Variants in TENM3 observed in about 807,000 individuals in gnomAD.
The protein encoded by TENM3 is teneurin transmembrane protein 3.
A neutral mutation model predicts 255.1 loss-of-function variants in TENM3; 63 were observed. The ratio of observed to expected loss-of-function variants is 0.25; its 90% CI spans 0.20 to 0.30. The LOEUF (loss-of-function observed/expected upper bound fraction) is 0.30, where lower values mean the gene tolerates loss of function less well. Among genes scored for constraint, TENM3 ranks in the 10% least tolerant of loss-of-function variants. The probability of loss-of-function intolerance (pLI) is 1.00; values close to 1 mark genes in which losing one functional copy is unlikely to be tolerated. For missense variants in TENM3, 2,929 were observed against 3,461.1 expected (o/e 0.85, Z 3.86); for synonymous variants, 1,306 against 1,322.3 (o/e 0.99, Z 0.27).
the TENM3 span, among the ~76,000 whole-genome samples, chr4:181,796,285 C>T: frequency 2.6e-5 from 4 of 152,210 alleles, no homozygotes; most frequent in South Asian, 2.1e-4. Flanking sequence ...ACAGCAAATC[C>T]GACAAGTGCC....
chr4:181,953,603 C>A, the TENM3 span, among the ~76,000 whole-genome samples: 1 of 151,910 alleles, frequency 6.6e-6, no homozygotes, highest in Non-Finnish European at 1.5e-5. Flanking sequence ...ATTGCTTGAA[C>A]CCAGGAGGCG....
the TENM3 span, among the ~76,000 whole-genome samples, chr4:181,815,462 CAAAAA>C: frequency 3.7e-5 from 3 of 82,080 alleles, no homozygotes; most frequent in African/African-American, 1.4e-4. Flanking sequence ...GACTCCCTAT[CAAAAA>C]AAAAAAAAAA....
the TENM3 span, among the ~76,000 whole-genome samples, chr4:181,920,435 G>A: frequency 6.6e-6 from 1 of 152,124 alleles, no homozygotes; most frequent in Non-Finnish European, 1.5e-5. Flanking sequence ...TCTAACTGGT[G>A]TGAGATGGTA....
the TENM3 span, among the ~76,000 whole-genome samples, chr4:181,885,286 C>T: frequency 6.6e-6 from 1 of 152,136 alleles, no homozygotes. Context: ...TGTTTTGAGA[C>T]GGAGTCTAGC....
intron 1 of TENM3, among the ~76,000 whole-genome samples, chr4:182,193,807 T>A (rs2149796591): frequency 6.6e-6 from 1 of 152,336 alleles, no homozygotes; most frequent in South Asian, 2.1e-4. Context: ...AGATTTGAAA[T>A]GCTTTTATTA....
chr4:181,748,300 T>C, the TENM3 span, among the ~76,000 whole-genome samples: 1 of 152,104 alleles, frequency 6.6e-6, no homozygotes, highest in Non-Finnish European at 1.5e-5. Context: ...ACTTATTCTC[T>C]TTTGCATTCT....
intron 13 of TENM3, among the ~76,000 whole-genome samples, chr4:182,717,410 A>T (rs2152685235): frequency 6.6e-6 from 1 of 152,354 alleles, no homozygotes; most frequent in South Asian, 2.1e-4. Context: ...TCAGACAAAC[A>T]GCTGTCATGT....
At chr4:181,668,113 T>C in the TENM3 span, among the ~76,000 whole-genome samples, 77 of 152,312 alleles carry the variant, frequency 5.1e-4, no homozygotes, top group African/African-American at 1.9e-3. Flanking sequence ...AAACAGTGCC[T>C]GGCATAGAGT....
At chr4:182,402,783 G>C (rs562792147) in intron 3 of TENM3, among the ~76,000 whole-genome samples, 1 of 152,108 alleles carries the variant, frequency 6.6e-6, no homozygotes, top group Non-Finnish European at 1.5e-5. Flanking sequence ...TGTTTCATGA[G>C]ACAACTCAAA....
chr4:181,663,761 T>G, the TENM3 span, among the ~76,000 whole-genome samples: 2 of 152,120 alleles, frequency 1.3e-5, no homozygotes, highest in East Asian at 3.9e-4. Context: ...AACTTTTCCT[T>G]GATTCCCATG....
At chr4:181,518,301 T>G in the TENM3 span, among the ~76,000 whole-genome samples, 4 of 145,364 alleles carry the variant, frequency 2.8e-5, no homozygotes, top group South Asian at 6.4e-4. Flanking sequence ...GCATGTGGGG[T>G]TTTTTTTTTT....
At chr4:181,618,718 C>T in the TENM3 span, among the ~76,000 whole-genome samples, 1 of 152,178 alleles carries the variant, frequency 6.6e-6, no homozygotes, top group Admixed American at 6.5e-5. Context: ...TTTGGTCAGA[C>T]TAGTGGGTGT....
rs1057243538 is a variant in TENM3, at chr4:182,672,999, A to G, written c.1112-6A>G. 1.9e-6 allele frequency: 3 copies of G among 1,564,702 alleles called. No individual in the cohort carries two copies. The highest frequency in any genetic ancestry group is 2.3e-5 in the South Asian group (2 of 85,566). ...TGTTCTTCATCAGTGCATCTCTTAC[A>G]TTCAGGAAAATTAGGTGGATTTACG... is the stretch of plus-strand genomic sequence containing the variant. On this transcript the variant is annotated splice_polypyrimidine_tract_variant and splice_region_variant and intron_variant, in intron 6 of 27. Coordinates refer to ENST00000511685, the MANE Select transcript of TENM3 (RefSeq NM_001080477.4).
At chr4:181,526,472 T>C in the TENM3 span, among the ~76,000 whole-genome samples, 108,208 of 152,002 alleles carry the variant, frequency 0.71, 38,724 homozygotes, top group South Asian at 0.84. Context: ...TTTTATAACG[T>C]GATTGAAATG....
At chr4:182,028,591 ACTT>A in the TENM3 span, among the ~76,000 whole-genome samples, 6 of 152,166 alleles carry the variant, frequency 3.9e-5, no homozygotes, top group East Asian at 1.9e-4. Context: ...ATGACTATAA[ACTT>A]CTTCTTAACA....
At chr4:181,636,510 T>A in the TENM3 span, among the ~76,000 whole-genome samples, 1 of 152,198 alleles carries the variant, frequency 6.6e-6, no homozygotes, top group Non-Finnish European at 1.5e-5. Flanking sequence ...AGACACCACA[T>A]TCTAGCTGAT....
the TENM3 span, among the ~76,000 whole-genome samples, chr4:182,062,168 G>T: frequency 6.6e-6 from 1 of 152,128 alleles, no homozygotes; most frequent in Non-Finnish European, 1.5e-5. Flanking sequence ...GGTAGTACTG[G>T]TGAAGCAGAT....
the TENM3 span, among the ~76,000 whole-genome samples, chr4:181,568,287 C>T: frequency 6.6e-6 from 1 of 151,870 alleles, no homozygotes; most frequent in African/African-American, 2.4e-5. Flanking sequence ...CCTCAGCCTC[C>T]CGAGTAGCTG....
the TENM3 span, among the ~76,000 whole-genome samples, chr4:181,455,237 A>G: frequency 0.028 from 4,204 of 152,172 alleles, 328 homozygotes; most frequent in East Asian, 0.23. Flanking sequence ...TTAATCTAGA[A>G]AGAGTGAGGA....
Sources: allele counts gnomAD v4.1 joint callset (sites outside exome capture counted in the v4.1 genomes callset), GRCh38; gene constraint gnomAD v4.1.1; transcripts MANE v1.5; gene names NCBI Gene and HGNC (gene_info 2026-07-23, HGNC 2026-07-21).